LYPLAL1: variants seen among roughly 807,000 people sequenced by gnomAD.
The protein encoded by LYPLAL1 is lysophospholipase like 1, also known as lysophospholipase-like protein 1.
LYPLAL1 carries 23 observed loss-of-function variants against 19.7 expected under a neutral mutation model. The ratio of observed to expected loss-of-function variants is 1.17; its 90% CI spans 0.84 to 1.65. The LOEUF (loss-of-function observed/expected upper bound fraction) is 1.65, where lower values mean the gene tolerates loss of function less well. LYPLAL1 is among the 40% of genes most tolerant of loss of function. The probability of loss-of-function intolerance (pLI) is 0.00; values close to 1 mark genes in which losing one functional copy is unlikely to be tolerated. For synonymous variants in LYPLAL1, 119 were observed against 96.3 expected (o/e 1.24, Z -1.38); for missense variants, 355 against 279.4 (o/e 1.27, Z -1.93).
the LYPLAL1 span, among the ~76,000 whole-genome samples, chr1:219,333,896 A>G: frequency 1.3e-5 from 2 of 152,050 alleles, no homozygotes; most frequent in Admixed American, 1.3e-4. Context: ...CTTTCTGTTT[A>G]TGGTAATATT....
chr1:219,193,623 A>G (rs1245913055), intron 3 of LYPLAL1: 1 of 156,290 alleles, frequency 6.4e-6, no homozygotes. Flanking sequence ...CAGTCAAAAT[A>G]TACCACTACA....
chr1:219,368,007 G>C, the LYPLAL1 span, among the ~76,000 whole-genome samples: 1 of 148,280 alleles, frequency 6.7e-6, no homozygotes, highest in South Asian at 2.1e-4. Flanking sequence ...AGTATAAGCT[G>C]AAGTAAGAAC....
the LYPLAL1 span, among the ~76,000 whole-genome samples, chr1:219,219,285 G>T: frequency 2.0e-5 from 3 of 152,170 alleles, no homozygotes; most frequent in African/African-American, 7.2e-5. Context: ...TCTCCAGAAA[G>T]TTTTCCTGAA....
chr1:219,187,714 C>A lies in LYPLAL1; in HGVS notation c.192-5368C>A, dbSNP rs368982279. Reference sequence around the variant, plus strand: ...AATATGTATTCTAAAATAAACTAGGCACTTTTTATTTAGGCATAGTAAACC... The same window carrying A: ...AATATGTATTCTAAAATAAACTAGGAACTTTTTATTTAGGCATAGTAAACC... On this transcript the variant is annotated intron_variant, in intron 2 of 4. Transcript: ENST00000366928. Among the ~76,000 whole-genome samples, 9 of 151,730 alleles carry A rather than the reference C, an allele frequency of 5.9e-5. No individual in the cohort carries two copies. In the South Asian group the frequency reaches 1.9e-3, roughly 31 times the overall value.
At chr1:219,188,485 C>T (rs1023939744) in intron 2 of LYPLAL1, among the ~76,000 whole-genome samples, 1 of 151,508 alleles carries the variant, frequency 6.6e-6, no homozygotes, top group African/African-American at 2.4e-5. Flanking sequence ...ATAATAAGCT[C>T]GTACTATTTG....
chr1:219,186,434 A>T lies in LYPLAL1; in HGVS notation c.192-6648A>T, dbSNP rs184645885. Among the ~76,000 whole-genome samples, 429 of 151,900 alleles carry T rather than the reference A, an allele frequency of 2.8e-3. 3 individuals are homozygous for T. Among genetic ancestry groups the T allele is most frequent in the South Asian group, 3.9e-3 (19 of 4,820 alleles). On this transcript the variant is annotated intron_variant, in intron 2 of 4. Transcript: ENST00000366928. ...ATGGGTATTAAAATCTCTAGCTATG[A>T]TTGTAGATTGGTCTGTTTCTCCCTT...
At chr1:219,243,854 G>A in the LYPLAL1 span, among the ~76,000 whole-genome samples, 2 of 151,268 alleles carry the variant, frequency 1.3e-5, no homozygotes, top group Non-Finnish European at 2.9e-5. Flanking sequence ...GGGAGGCAGA[G>A]GTTACAGAGA....
the LYPLAL1 span, among the ~76,000 whole-genome samples, chr1:219,234,141 A>G: frequency 2.1e-4 from 32 of 152,336 alleles, 1 homozygote; most frequent in African/African-American, 7.2e-4. Flanking sequence ...TAAACCTTAT[A>G]AGATCATTTG....
chr1:219,381,154 G>T, the LYPLAL1 span, among the ~76,000 whole-genome samples: 1 of 152,254 alleles, frequency 6.6e-6, no homozygotes, highest in South Asian at 2.1e-4. Context: ...CATGGGGTGG[G>T]TTTTCGCATG....
At chr1:219,323,828 T>C in the LYPLAL1 span, among the ~76,000 whole-genome samples, 2 of 152,152 alleles carry the variant, frequency 1.3e-5, no homozygotes, top group East Asian at 1.9e-4. Context: ...AAATATACTA[T>C]CAACACTGAG....
At chr1:219,346,160 A>G in the LYPLAL1 span, among the ~76,000 whole-genome samples, 3 of 152,324 alleles carry the variant, frequency 2.0e-5, no homozygotes, top group South Asian at 2.1e-4. Context: ...GGGGTGCTGC[A>G]GCCAAGGAGA....
chr1:219,243,116 C>G, the LYPLAL1 span, among the ~76,000 whole-genome samples: 4 of 152,142 alleles, frequency 2.6e-5, no homozygotes, highest in East Asian at 5.8e-4. Flanking sequence ...CTAGGTCACT[C>G]TACATTTATG....
the LYPLAL1 span, among the ~76,000 whole-genome samples, chr1:219,307,808 G>A: frequency 1.3e-5 from 2 of 152,276 alleles, no homozygotes; most frequent in Non-Finnish European, 2.9e-5. Flanking sequence ...AGCGGTTTCT[G>A]CTTTTGCTTC....
chr1:219,183,247 C>G (rs1656441957), intron 2 of LYPLAL1, among the ~76,000 whole-genome samples: 1 of 151,946 alleles, frequency 6.6e-6, no homozygotes, highest in South Asian at 2.1e-4. Context: ...AAGAAATGCC[C>G]ACTCAGATTA....
the LYPLAL1 span, among the ~76,000 whole-genome samples, chr1:219,279,128 G>A: frequency 6.6e-6 from 1 of 152,124 alleles, no homozygotes; most frequent in South Asian, 2.1e-4. Flanking sequence ...AAGGGCTCGT[G>A]CGTTTTTGCC....
In LYPLAL1 at chr1:219,191,112, C is replaced by T. The variant is rs1013647419; in HGVS notation, c.192-1970C>T. ...GTAACATTTTAATGTATGTCAGCACCTACTGCTATTACTGCTGTGGGCAAA... is the reference window on the plus strand; with the variant it reads ...GTAACATTTTAATGTATGTCAGCACTTACTGCTATTACTGCTGTGGGCAAA... On this transcript the variant is annotated intron_variant, in intron 2 of 4. Coordinates refer to ENST00000366928, the MANE Select transcript of LYPLAL1 (RefSeq NM_138794.5). Among the ~76,000 whole-genome samples the T allele has an allele frequency of 4.0e-5, 6 of 151,544 alleles. No homozygotes were observed. In the East Asian group the frequency reaches 1.2e-3, roughly 29 times the overall value.
chr1:219,344,218 C>A, the LYPLAL1 span, among the ~76,000 whole-genome samples: 2 of 152,274 alleles, frequency 1.3e-5, no homozygotes, highest in Non-Finnish European at 2.9e-5. Context: ...CATTTGCCTG[C>A]AGTTGTTCAC....
chr1:219,261,913 G>A, the LYPLAL1 span, among the ~76,000 whole-genome samples: 1 of 152,122 alleles, frequency 6.6e-6, no homozygotes, highest in African/African-American at 2.4e-5. Flanking sequence ...GCCGGGGAAT[G>A]TTTGCTTGAT....
the LYPLAL1 span, among the ~76,000 whole-genome samples, chr1:219,281,248 T>C: frequency 6.6e-6 from 1 of 152,026 alleles, no homozygotes; most frequent in Non-Finnish European, 1.5e-5. Context: ...TGTAAACACA[T>C]GCAATTAATA....
Sources: allele counts gnomAD v4.1 joint callset (sites outside exome capture counted in the v4.1 genomes callset), GRCh38; gene constraint gnomAD v4.1.1; transcripts MANE v1.5; gene names NCBI Gene and HGNC (gene_info 2026-07-23, HGNC 2026-07-21).